The following GOLGA3 variants were observed in gnomAD, a reference collection of about 807,000 sequenced individuals.
The protein encoded by GOLGA3 is golgin subfamily A member 3.
Under a neutral mutation model 169.4 loss-of-function variants are expected in GOLGA3, and 75 were observed. The observed-to-expected ratio is 0.44, with a 90% CI of 0.37 to 0.54. GOLGA3 has a LOEUF of 0.54. GOLGA3 is among the 20% of genes least tolerant of loss of function. GOLGA3 has a pLI of 0.00. For synonymous variants in GOLGA3, 824 were observed against 822.4 expected (o/e 1.00, Z -0.03); for missense variants, 1,899 against 1,930.0 (o/e 0.98, Z 0.30).
At chr12:132,807,371 A>C (rs1484759903) in intron 5 of GOLGA3, 83 bp from the exon 6 acceptor site, 4 of 691,610 alleles carry the variant, frequency 5.8e-6, no homozygotes, top group Admixed American at 3.0e-5. Flanking sequence ...AATTCCACAC[A>C]CCCCTGCTGC....
At chr12:132,797,263 C>T (rs1366315712) in intron 9 of GOLGA3, among the ~76,000 whole-genome samples, 2 of 152,180 alleles carry the variant, frequency 1.3e-5, no homozygotes, top group East Asian at 1.9e-4. Flanking sequence ...TGAGAAACCA[C>T]GTGAGGCTGC....
chr12:132,773,972 A>G (rs1192304116), intron 23 of GOLGA3, among the ~76,000 whole-genome samples, 185 bp downstream of exon 23: 1 of 144,574 alleles, frequency 6.9e-6, no homozygotes, highest in Non-Finnish European at 1.5e-5. Context: ...ATAAACCTCA[A>G]AGGCTGTGTG....
chr12:132,809,691 A>G (rs576850007), intron 4 of GOLGA3, among the ~76,000 whole-genome samples: 4 of 152,316 alleles, frequency 2.6e-5, no homozygotes, highest in East Asian at 1.9e-4. Flanking sequence ...TTCCTAGGCT[A>G]TGATTATAGA....
At chr12:132,825,455 C>T (rs899475229) in intron 1 of GOLGA3, among the ~76,000 whole-genome samples, 11 of 152,260 alleles carry the variant, frequency 7.2e-5, no homozygotes, top group Admixed American at 3.3e-4. Flanking sequence ...AAAGTGCCAA[C>T]ACAGGTTTAA....
intron 9 of GOLGA3, among the ~76,000 whole-genome samples, chr12:132,797,101 G>C (rs79544214): frequency 8.5e-5 from 13 of 152,354 alleles, no homozygotes; most frequent in African/African-American, 3.1e-4. Flanking sequence ...ACTTCTTAGG[G>C]AAAACACAAA....
chr12:132,790,814 G>A (rs1279197629), intron 12 of GOLGA3, among the ~76,000 whole-genome samples: 6 of 152,022 alleles, frequency 3.9e-5, no homozygotes, highest in South Asian at 2.1e-4. Flanking sequence ...TTGGGAGGCC[G>A]AGGAGGGTGG....
intron 1 of GOLGA3, chr12:132,825,686 T>G: frequency 1.8e-6 from 2 of 1,101,012 alleles, no homozygotes; most frequent in Non-Finnish European, 2.8e-6. Context: ...GCACCTTTTT[T>G]CAGTGGCCGG....
intron 4 of GOLGA3, among the ~76,000 whole-genome samples, chr12:132,810,069 ACCC>A (rs1281958336): frequency 6.6e-6 from 1 of 151,490 alleles, no homozygotes; most frequent in African/African-American, 2.4e-5. Context: ...ACATGTTGAA[ACCC>A]CCGTCTCTAC....
Position 132,787,853 on chromosome 12 carries a change from GGAGACCCCGGGACCCCTTCCC to G in GOLGA3, c.2812-1087_2812-1067del, listed in dbSNP as rs1240448845. ...CCCGGAGACCCCGGGACCCCTCCCC[GGAGACCCCGGGACCCCTTCCC>G]GAGACCCCAGGACCCTTCCTGAGAC... On this transcript the variant is annotated intron_variant, in intron 13 of 23. Coordinates refer to ENST00000450791, the MANE Select transcript of GOLGA3 (RefSeq NM_001389683.1). 1.1e-3 allele frequency among the ~76,000 whole-genome samples: 108 copies of G among 97,344 alleles called. 12 individuals are homozygous for G. The highest frequency in any genetic ancestry group is 4.1e-3 in the African/African-American group (105 of 25,338). The allele number at this position is 97,344 out of a possible 152,430, so 63.9% of individuals were successfully genotyped here. A position where few individuals can be genotyped will look rare whatever the true frequency, so the allele number is the denominator to read the frequency against.
At position 132,807,949 on chromosome 12, in the gene GOLGA3, C is replaced by T; in HGVS notation, c.1120G>A (p.Asp374Asn). Residue 374 changes from aspartate (D) to asparagine (N), a missense_variant, in exon 5 of 24, where the codon GAC (aspartate) becomes AAC (asparagine). Coordinates refer to ENST00000450791, the MANE Select transcript of GOLGA3 (RefSeq NM_001389683.1). Reference protein sequence around the residue: ...VLQAAAAEHQDQGQEVNGEVR... With the variant: ...VLQAAAAEHQNQGQEVNGEVR... ...TCCCCGTTGACCTCCTGCCCCTGGT[C>T]TTGGTGCTCAGCGGCTGCGGCCTGG... The T allele has an allele frequency of 6.2e-7, 1 of 1,606,228 alleles. No homozygotes were observed. The highest frequency in any genetic ancestry group is 8.5e-7 in the Non-Finnish European group (1 of 1,175,806).
intron 16 of GOLGA3, chr12:132,783,769 G>A (rs960747618): frequency 6.2e-6 from 3 of 486,208 alleles, no homozygotes; most frequent in Non-Finnish European, 9.9e-6. Flanking sequence ...GTAGAGATGG[G>A]GTTTCACCAT....
rs147411849 is a variant in GOLGA3, at chr12:132,778,986, C to A, written c.3583-1181G>T. The stretch of plus-strand genomic sequence containing the variant: ...CCGTGTGAGCCAGCCTGAACCACGG[C>A]CCAGCAGCAGGCCCCAGGCCAGGGT... On this transcript the variant is annotated intron_variant, in intron 18 of 23. Transcript: ENST00000450791. 6.7e-3 allele frequency among the ~76,000 whole-genome samples: 1,010 copies of A among 150,640 alleles called. 5 individuals carry two copies. Among genetic ancestry groups the A allele is most frequent in the Non-Finnish European group, 0.012 (786 of 67,102 alleles).
chr12:132,784,043 C>CAA, intron 16 of GOLGA3, 121 bp downstream of exon 16: 1 of 1,537,794 alleles, frequency 6.5e-7, no homozygotes, highest in Non-Finnish European at 8.7e-7. Context: ...GTGGCAACAC[C>CAA]AAAAGTAGCA....
At chr12:132,817,514 A>C (rs376879523) in intron 2 of GOLGA3, among the ~76,000 whole-genome samples, 3,002 of 7,360 alleles carry the variant, frequency 0.41, 492 homozygotes, top group Non-Finnish European at 0.47. Context: ...GTGAACCCGC[A>C]CTCCACACCT....
chr12:132,780,116 C>T (rs564479842), intron 18 of GOLGA3, among the ~76,000 whole-genome samples: 92 of 44,516 alleles, frequency 2.1e-3, no homozygotes, highest in Non-Finnish European at 6.0e-3. Context: ...CACAGCCCCC[C>T]GCGTGCACAC....
At chr12:132,790,863 C>G (rs2046188583) in intron 12 of GOLGA3, among the ~76,000 whole-genome samples, 1 of 151,826 alleles carries the variant, frequency 6.6e-6, no homozygotes, top group African/African-American at 2.4e-5. Flanking sequence ...TCCTGGCTAA[C>G]ACGGAGAAAC....
chr12:132,774,503 A>T, intron 22 of GOLGA3, 183 bp from the exon 23 acceptor site: 1 of 632,552 alleles, frequency 1.6e-6, no homozygotes, highest in Admixed American at 2.8e-5. Context: ...TAGCTGGCTG[A>T]GGAAACACCT....
At chr12:132,774,119 T>C in intron 23 of GOLGA3, 38 bp downstream of exon 23, 1 of 1,528,588 alleles carries the variant, frequency 6.5e-7, no homozygotes, top group African/African-American at 1.4e-5. Context: ...CATTAATCTT[T>C]AAGACTAGCT....
At chr12:132,791,050 CAAAAAAAAAAAAAAAAAAAAAAA>C (rs771719474) in intron 12 of GOLGA3, among the ~76,000 whole-genome samples, 143 bp downstream of exon 12, 81 of 52,652 alleles carry the variant, frequency 1.5e-3, no homozygotes, top group African/African-American at 6.2e-3. Context: ...GACTCCGTCT[CAAAAAAAAAAAAAAAAAAAAAAA>C]AAAAAAAAAA....
Sources: gnomAD v4.1 joint callset for allele counts (sites outside exome capture counted in the v4.1 genomes callset) on GRCh38, gnomAD v4.1.1 for gene constraint, MANE v1.5 for transcripts, NCBI Gene and HGNC (gene_info 2026-07-23, HGNC 2026-07-21) for gene names.